RPS6KA5: variants seen among roughly 807,000 people sequenced by gnomAD.
The protein encoded by RPS6KA5 is ribosomal protein S6 kinase alpha-5.
In RPS6KA5, 27 loss-of-function variants were observed where a neutral mutation model predicts 85.5. The observed-to-expected ratio is 0.32, with a 90% CI of 0.23 to 0.44. The LOEUF is 0.44. Among genes scored for constraint, RPS6KA5 ranks in the 20% least tolerant of loss-of-function variants. RPS6KA5 has a pLI of 1.00. For synonymous variants in RPS6KA5, 334 were observed against 348.2 expected (o/e 0.96, Z 0.46); for missense variants, 811 against 980.9 (o/e 0.83, Z 2.31).
chr14:90,901,778 T>C (rs2035183566), intron 9 of RPS6KA5, among the ~76,000 whole-genome samples: 1 of 152,230 alleles, frequency 6.6e-6, no homozygotes, highest in South Asian at 2.1e-4. Flanking sequence ...TTTTATCTTG[T>C]GTGACAAATG....
intron 14 of RPS6KA5, among the ~76,000 whole-genome samples, chr14:90,880,831 CTTT>C (rs560458875): frequency 4.5e-5 from 6 of 132,444 alleles, no homozygotes; most frequent in Admixed American, 7.6e-5. Context: ...CTTTTGTAAA[CTTT>C]TTTTTTTTTT....
At chr14:90,884,156 C>T (rs1027747861) in intron 14 of RPS6KA5, among the ~76,000 whole-genome samples, 2 of 152,164 alleles carry the variant, frequency 1.3e-5, no homozygotes, top group African/African-American at 4.8e-5. Flanking sequence ...ATCACAGATG[C>T]TCTATATTTA....
rs948680798 is a variant in RPS6KA5, at chr14:90,921,757, T to C, written c.702+1356A>G. Among the ~76,000 whole-genome samples, 3 of 152,090 alleles carry C rather than the reference T, an allele frequency of 2.0e-5. No individual in the cohort carries two copies. In the East Asian group the frequency reaches 5.8e-4, roughly 29 times the overall value. ...ATGCTTTTAAATACATGATTAGTCG[T>C]CAGGAAGGAGACCAAAGATTCTCCA... is the stretch of plus-strand genomic sequence containing the variant. On this transcript the variant is annotated intron_variant, in intron 6 of 16. Transcript: ENST00000614987.
intron 1 of RPS6KA5, among the ~76,000 whole-genome samples, chr14:91,047,140 T>C (rs1394210130): frequency 3.3e-5 from 5 of 152,104 alleles, no homozygotes; most frequent in African/African-American, 1.2e-4. Context: ...TATATATAAA[T>C]GTACTTATTT....
intron 3 of RPS6KA5, among the ~76,000 whole-genome samples, chr14:90,956,123 A>C (rs1339546277): frequency 2.0e-5 from 3 of 152,236 alleles, no homozygotes; most frequent in Non-Finnish European, 4.4e-5. Context: ...TATAAGTTAC[A>C]TGCAAATATT....
In RPS6KA5 at chr14:91,053,717, G is replaced by C. The variant is rs11850237; in HGVS notation, c.103+6615C>G. Among the ~76,000 whole-genome samples the C allele has an allele frequency of 4.2e-3, 642 of 152,284 alleles. 4 individuals carry two copies. Among genetic ancestry groups the C allele is most frequent in the African/African-American group, 0.015 (609 of 41,558 alleles). On this transcript the variant is annotated intron_variant, in intron 1 of 16. Coordinates refer to ENST00000614987, the MANE Select transcript of RPS6KA5 (RefSeq NM_004755.4). Reference sequence around the variant, plus strand: ...TGAAGACAACCTAAATAAATGGAAAGACATCTCATGTTCATAGATCAGACG... The same window carrying C: ...TGAAGACAACCTAAATAAATGGAAACACATCTCATGTTCATAGATCAGACG...
Position 90,854,655 on chromosome 14 carries a change from G to C in RPS6KA5, c.*17419C>G, listed in dbSNP as rs955473471. ...GACTTTACTCAAATATCTAAAAGAC[G>C]TATCAGACTCACTCAGTAAAAAATA... On this transcript the variant is annotated 3_prime_UTR_variant, in exon 17 of 17. Transcript: ENST00000614987. The C allele has an allele frequency of 2.6e-5, 4 of 152,026 alleles. No individual in the cohort carries two copies. The highest frequency in any genetic ancestry group is 5.9e-5 in the Non-Finnish European group (4 of 67,968). The allele number at this position is 152,026 out of a possible 1,614,324, so 9.4% of individuals were successfully genotyped here. A position where few individuals can be genotyped will look rare whatever the true frequency, so the allele number is the denominator to read the frequency against.
intron 1 of RPS6KA5, among the ~76,000 whole-genome samples, chr14:91,037,333 G>C (rs1305310414): frequency 1.3e-5 from 2 of 152,108 alleles, no homozygotes; most frequent in Non-Finnish European, 2.9e-5. Context: ...AAATCTCTGT[G>C]GATAAAGACA....
At position 90,871,143 on chromosome 14, in the gene RPS6KA5, G is replaced by C. The variant is rs1027640761; in HGVS notation, c.*931C>G. On this transcript the variant is annotated 3_prime_UTR_variant, in exon 17 of 17. Transcript: ENST00000614987. ...CCCTTTAGGTTTTCCTCACATTGGTGCATAAGTGGCTGACTACATGACACA... is the reference window on the plus strand; with the variant it reads ...CCCTTTAGGTTTTCCTCACATTGGTCCATAAGTGGCTGACTACATGACACA... 17 of 152,576 alleles carry C rather than the reference G, an allele frequency of 1.1e-4. No homozygotes were observed. The highest frequency in any genetic ancestry group is 3.9e-4 in the African/African-American group (16 of 41,548). The allele number at this position is 152,576 out of a possible 1,614,324, so 9.5% of individuals were successfully genotyped here. A position where few individuals can be genotyped will look rare whatever the true frequency, so the allele number is the denominator to read the frequency against.
intron 16 of RPS6KA5, among the ~76,000 whole-genome samples, chr14:90,872,836 TCCTGCAG>T (rs2033210412): frequency 6.6e-6 from 1 of 152,216 alleles, no homozygotes; most frequent in South Asian, 2.1e-4. Flanking sequence ...GGCTTCCTCC[TCCTGCAG>T]CCTGTCTTCA....
chr14:90,929,893 T>C (rs2036880941), intron 5 of RPS6KA5, among the ~76,000 whole-genome samples: 2 of 152,112 alleles, frequency 1.3e-5, no homozygotes, highest in Non-Finnish European at 2.9e-5. Context: ...TTTTTTGAGA[T>C]AAAGTCTTGC....
chr14:91,008,982 A>T (rs1361283331), intron 1 of RPS6KA5, among the ~76,000 whole-genome samples: 1 of 152,178 alleles, frequency 6.6e-6, no homozygotes, highest in East Asian at 1.9e-4. Context: ...AATCACTGTA[A>T]TGCTCAGTTT....
rs1204711080 is a variant in RPS6KA5 at position 90,942,518 on chromosome 14, A to G, written c.618+560T>C. Among the ~76,000 whole-genome samples, 4 of 152,246 alleles carry G rather than the reference A, an allele frequency of 2.6e-5. No individual in the cohort carries two copies. The East Asian group carries it at 7.7e-4, about 29-fold the overall frequency. ...ATTAAATGCATTTGTAATATTAAAC[A>G]AATTCTAATTAATACTGAAAATTAA... On this transcript the variant is annotated intron_variant, in intron 5 of 16. Coordinates refer to ENST00000614987, the MANE Select transcript of RPS6KA5 (RefSeq NM_004755.4).
intron 1 of RPS6KA5, among the ~76,000 whole-genome samples, chr14:91,056,653 C>T (rs1040664321): frequency 2.0e-5 from 3 of 152,110 alleles, no homozygotes; most frequent in Non-Finnish European, 4.4e-5. Context: ...CATACATGTC[C>T]TATCATCCAA....
intron 1 of RPS6KA5, among the ~76,000 whole-genome samples, chr14:91,004,925 G>C (rs1404321664): frequency 6.6e-6 from 1 of 151,482 alleles, no homozygotes; most frequent in African/African-American, 2.4e-5. Context: ...CCAAGATCGC[G>C]CGCCACTGCA....
At chr14:90,982,840 G>A (rs1392455206) in intron 2 of RPS6KA5, among the ~76,000 whole-genome samples, 1 of 152,136 alleles carries the variant, frequency 6.6e-6, no homozygotes, top group African/African-American at 2.4e-5. Context: ...TTGGCCAGGC[G>A]CGGTGGTTCA....
intron 1 of RPS6KA5, among the ~76,000 whole-genome samples, chr14:91,033,515 T>G (rs977976834): frequency 6.6e-6 from 1 of 151,814 alleles, no homozygotes; most frequent in Non-Finnish European, 1.5e-5. Context: ...GGCAGGAGAA[T>G]CACTTGAAAC....
chr14:90,942,715 T>C (rs1413940377), intron 5 of RPS6KA5, among the ~76,000 whole-genome samples: 3 of 152,230 alleles, frequency 2.0e-5, no homozygotes, highest in Non-Finnish European at 4.4e-5. Context: ...GTAAACTGTA[T>C]GTACTTTGCT....
chr14:90,984,335 T>C (rs1035867844), intron 2 of RPS6KA5, among the ~76,000 whole-genome samples: 2 of 152,264 alleles, frequency 1.3e-5, no homozygotes, highest in Non-Finnish European at 2.9e-5. Flanking sequence ...TTTCAATTCA[T>C]GGCCCTACAG....
Sources: gnomAD v4.1 joint callset for allele counts (sites outside exome capture counted in the v4.1 genomes callset) on GRCh38, gnomAD v4.1.1 for gene constraint, MANE v1.5 for transcripts, NCBI Gene and HGNC (gene_info 2026-07-23, HGNC 2026-07-21) for gene names.